Variants in WWTR1 observed in about 807,000 individuals in gnomAD.
WWTR1 encodes WW domain-containing transcription regulator protein 1.
In WWTR1, 13 loss-of-function variants were observed where a neutral mutation model predicts 40.1. The observed-to-expected ratio is 0.32, with a 90% CI of 0.21 to 0.52. WWTR1 has a LOEUF of 0.52. WWTR1 is among the 20% of genes least tolerant of loss of function. WWTR1 has a pLI of 0.97. For synonymous variants in WWTR1, 230 were observed against 210.1 expected (o/e 1.09, Z -0.82); for missense variants, 436 against 523.1 (o/e 0.83, Z 1.63).
chr3:149,657,082 C>A lies in WWTR1; in HGVS notation c.225G>T (p.Gly75=), dbSNP rs11539516. ...SSTDSSGGHP[G]PRLAGGAQHV... ...GCTGGGCACCCCCAGCCAGTCGAGG[C>A]CCCGGGTGGCCGCCCGACGAGTCGG... Residue 75 remains glycine, a synonymous_variant, in exon 2 of 7, where the codon GGG becomes GGT. Coordinates refer to ENST00000360632, the MANE Select transcript of WWTR1 (RefSeq NM_015472.6). 1.3e-6 allele frequency: 2 copies of A among 1,568,608 alleles called. No individual in the cohort carries two copies. Among genetic ancestry groups the A allele is most frequent in the Non-Finnish European group, 1.7e-6 (2 of 1,160,700 alleles).
At chr3:149,665,227 CTTT>C (rs11398199) in intron 2 of WWTR1, among the ~76,000 whole-genome samples, 2 of 128,264 alleles carry the variant, frequency 1.6e-5, no homozygotes, top group African/African-American at 2.9e-5. Context: ...TCCTTTCTTT[CTTT>C]TTTTTTTTTT....
chr3:149,640,255 C>T (rs1712089041), intron 2 of WWTR1, among the ~76,000 whole-genome samples: 1 of 152,170 alleles, frequency 6.6e-6, no homozygotes, highest in South Asian at 2.1e-4. Flanking sequence ...ATCTCCTCTG[C>T]TCAAAACCCA....
intron 6 of WWTR1, among the ~76,000 whole-genome samples, chr3:149,521,625 A>G (rs764848568): frequency 6.6e-6 from 1 of 152,222 alleles, no homozygotes; most frequent in Non-Finnish European, 1.5e-5. Context: ...TCCTAAACCC[A>G]TTTAATCACC....
At chr3:149,707,187 TA>T (rs138335447), upstream of WWTR1, among the ~76,000 whole-genome samples, 6 of 152,178 alleles carry the variant, frequency 3.9e-5, no homozygotes, top group East Asian at 1.2e-3. Flanking sequence ...ATGTAGAGGA[TA>T]AAAAAGAACT....
chr3:149,688,097 C>G (rs998067558), intron 1 of WWTR1, among the ~76,000 whole-genome samples: 6 of 151,884 alleles, frequency 4.0e-5, no homozygotes, highest in Middle Eastern at 3.4e-3. Context: ...ATGTGGGTAC[C>G]AGCTTAGCCA....
intron 3 of WWTR1, among the ~76,000 whole-genome samples, chr3:149,567,454 G>A (rs556686483): frequency 2.6e-5 from 4 of 152,268 alleles, no homozygotes; most frequent in East Asian, 3.9e-4. Flanking sequence ...GCTGTCCGAG[G>A]TTAAATGTTA....
intron 4 of WWTR1, among the ~76,000 whole-genome samples, chr3:149,533,732 T>G (rs986391363): frequency 1.4e-4 from 21 of 152,340 alleles, no homozygotes; most frequent in Non-Finnish European, 2.2e-4. Flanking sequence ...AACTAAATTC[T>G]TAACCTTTCT....
At chr3:149,581,886 C>T (rs1198473528) in intron 2 of WWTR1, among the ~76,000 whole-genome samples, 1 of 152,172 alleles carries the variant, frequency 6.6e-6, no homozygotes, top group Non-Finnish European at 1.5e-5. Context: ...CTCATTCTGT[C>T]TGAACCTACT....
At chr3:149,671,797 CTTA>C (rs1483218036) in intron 1 of WWTR1, among the ~76,000 whole-genome samples, 1 of 151,936 alleles carries the variant, frequency 6.6e-6, no homozygotes, top group African/African-American at 2.4e-5. Flanking sequence ...GCTTAAAGGT[CTTA>C]TTATTCATTT....
chr3:149,616,500 T>C (rs1312990217), intron 2 of WWTR1, among the ~76,000 whole-genome samples: 1 of 151,548 alleles, frequency 6.6e-6, no homozygotes, highest in African/African-American at 2.4e-5. Flanking sequence ...TGGAGTGCAA[T>C]GGCATGATCT....
intron 5 of WWTR1, among the ~76,000 whole-genome samples, chr3:149,716,747 G>T (rs1340701639): frequency 6.6e-6 from 1 of 151,980 alleles, no homozygotes; most frequent in Non-Finnish European, 1.5e-5. Context: ...TGGATGGATG[G>T]CTACTTGGGT....
intron 3 of WWTR1, among the ~76,000 whole-genome samples, chr3:149,552,919 G>A (rs1485654394): frequency 6.6e-6 from 1 of 151,982 alleles, no homozygotes. Flanking sequence ...AAATCATCTT[G>A]GTCTTGCTTT....
At position 149,519,026 on chromosome 3, in the gene WWTR1, C is replaced by T. The variant is rs1472381532; in HGVS notation, c.*1779G>A. On this transcript the variant is annotated 3_prime_UTR_variant, in exon 7 of 7. Coordinates refer to ENST00000360632, the MANE Select transcript of WWTR1 (RefSeq NM_015472.6). ...GATCAAAAGGAATCTTATTTAAGAT[C>T]CCCAACAAATAAGTCCCCCATGGAA... 1.3e-5 allele frequency: 2 copies of T among 151,912 alleles called. No individual in the cohort carries two copies. The highest frequency in any genetic ancestry group is 2.9e-5 in the Non-Finnish European group (2 of 68,004). The allele number at this position is 151,912 out of a possible 1,614,324, so 9.4% of individuals were successfully genotyped here.
At chr3:149,568,416 C>T (rs752450540) in intron 3 of WWTR1, among the ~76,000 whole-genome samples, 40 of 151,292 alleles carry the variant, frequency 2.6e-4, no homozygotes, top group African/African-American at 9.7e-4. Flanking sequence ...GGCCATTACT[C>T]TGCTCAGACA....
At chr3:149,684,925 A>C (rs1714593004) in intron 1 of WWTR1, among the ~76,000 whole-genome samples, 1 of 151,898 alleles carries the variant, frequency 6.6e-6, no homozygotes, top group Non-Finnish European at 1.5e-5. Context: ...TTCAGTTCAG[A>C]TCTCTGCTTA....
chr3:149,711,140 C>T (rs1316632404), intron 5 of WWTR1, among the ~76,000 whole-genome samples: 1 of 137,588 alleles, frequency 7.3e-6, no homozygotes, highest in Non-Finnish European at 1.5e-5. Flanking sequence ...GAGACAGAAG[C>T]GTAGGGTTTC....
chr3:149,622,488 AGG>A (rs1560089649), intron 2 of WWTR1, among the ~76,000 whole-genome samples: 8 of 135,736 alleles, frequency 5.9e-5, no homozygotes, highest in African/African-American at 2.2e-4. Flanking sequence ...GAAGGAAGGA[AGG>A]AAGGAAGGAA....
intron 1 of WWTR1, among the ~76,000 whole-genome samples, chr3:149,686,007 A>C (rs1257369648): frequency 1.3e-5 from 2 of 152,176 alleles, no homozygotes; most frequent in Non-Finnish European, 2.9e-5. Context: ...TGTTCCCTAC[A>C]TGATAAGGCT....
At chr3:149,559,129 A>G (rs1298132733) in intron 3 of WWTR1, among the ~76,000 whole-genome samples, 5 of 152,006 alleles carry the variant, frequency 3.3e-5, no homozygotes, top group Non-Finnish European at 7.4e-5. Context: ...CCCCATCTCT[A>G]CTAAAAATAC....
Sources: allele counts gnomAD v4.1 joint callset (sites outside exome capture counted in the v4.1 genomes callset), GRCh38; gene constraint gnomAD v4.1.1; transcripts MANE v1.5; gene names NCBI Gene and HGNC (gene_info 2026-07-23, HGNC 2026-07-21).